The following TTC9 variants were observed in gnomAD, a reference collection of about 807,000 sequenced individuals.
TTC9 encodes tetratricopeptide repeat domain 9.
Under a neutral mutation model 22.9 loss-of-function variants are expected in TTC9, and 13 were observed. That is an observed-to-expected ratio of 0.57 (90% CI 0.37 to 0.90). The LOEUF (loss-of-function observed/expected upper bound fraction) is 0.90. TTC9 is among the 40% of genes least tolerant of loss of function. The probability of loss-of-function intolerance (pLI) is 0.01; values close to 1 mark genes in which losing one functional copy is unlikely to be tolerated. For missense variants in TTC9, 280 were observed against 291.8 expected, an observed-to-expected ratio of 0.96 and a Z score of 0.29; for synonymous variants, 148 against 133.2, an observed-to-expected ratio of 1.11 and a Z score of -0.77.
At chr14:70,669,328 G>A (rs1016162124) in intron 2 of TTC9, among the ~76,000 whole-genome samples, 2 of 151,974 alleles carry the variant, frequency 1.3e-5, no homozygotes, top group Non-Finnish European at 2.9e-5. Flanking sequence ...CGCCCAGGCT[G>A]GAGTGCAGTG....
intron 1 of TTC9, 73 bp from the exon 2 acceptor site, chr14:70,667,491 G>T: frequency 6.5e-7 from 1 of 1,548,492 alleles, no homozygotes. Context: ...CCTCTGGAGA[G>T]AAGCAACTCA....
intron 1 of TTC9, among the ~76,000 whole-genome samples, chr14:70,649,723 G>A (rs4899363): frequency 0.031 from 4,724 of 152,262 alleles, 286 homozygotes; most frequent in African/African-American, 0.11. Flanking sequence ...TATCATCTCT[G>A]TAGCAAAGAC....
At position 70,674,038 on chromosome 14, in the gene TTC9, T is replaced by C. The variant is rs1886333979; in HGVS notation, c.*2883T>C. On this transcript the variant is annotated 3_prime_UTR_variant, in exon 3 of 3. Coordinates refer to ENST00000256367, the MANE Select transcript of TTC9 (RefSeq NM_015351.2). Reference sequence around the variant, plus strand: ...TGTTTGGGGTGATAGGGCTGAATTTTCTGTGCATTTGTCCAACAAAGGCTT... The same window carrying C: ...TGTTTGGGGTGATAGGGCTGAATTTCCTGTGCATTTGTCCAACAAAGGCTT... The C allele has an allele frequency of 6.6e-6, 1 of 152,166 alleles. No homozygotes were observed. Among genetic ancestry groups the C allele is most frequent in the Admixed American group, 6.6e-5 (1 of 15,264 alleles). The allele number at this position is 152,166 out of a possible 1,614,324, so 9.4% of individuals were successfully genotyped here. A position where few individuals can be genotyped will look rare whatever the true frequency, so the allele number is the denominator to read the frequency against.
intron 1 of TTC9, among the ~76,000 whole-genome samples, chr14:70,655,350 C>T (rs1311171020): frequency 6.6e-6 from 1 of 151,918 alleles, no homozygotes; most frequent in African/African-American, 2.4e-5. Flanking sequence ...GCCGAGATCG[C>T]GCCACTGCTC....
At chr14:70,645,270 G>A (rs1174015029) in intron 1 of TTC9, among the ~76,000 whole-genome samples, 1 of 152,114 alleles carries the variant, frequency 6.6e-6, no homozygotes, top group Non-Finnish European at 1.5e-5. Context: ...AATAATCAAT[G>A]CCTCTAATAT....
chr14:70,667,866 G>C, intron 2 of TTC9, 120 bp downstream of exon 2: 5 of 960,570 alleles, frequency 5.2e-6, no homozygotes, highest in Non-Finnish European at 7.8e-6. Context: ...GCAAAATTAG[G>C]GATCAGATAT....
intron 1 of TTC9, among the ~76,000 whole-genome samples, chr14:70,666,253 A>T (rs1204257857): frequency 6.6e-6 from 1 of 152,090 alleles, no homozygotes; most frequent in Non-Finnish European, 1.5e-5. Context: ...CTGGTAAGGG[A>T]AAGCTCAAAG....
chr14:70,656,714 G>A (rs1293723535), intron 1 of TTC9, among the ~76,000 whole-genome samples: 1 of 152,184 alleles, frequency 6.6e-6, no homozygotes, highest in Non-Finnish European at 1.5e-5. Flanking sequence ...TGTGTACTTG[G>A]CCAGAGCTGA....
At chr14:70,668,117 C>T (rs144757973) in intron 2 of TTC9, among the ~76,000 whole-genome samples, 70 of 152,334 alleles carry the variant, frequency 4.6e-4, no homozygotes, top group African/African-American at 1.5e-3. Context: ...CCATGAGGCG[C>T]TCACATCTGG....
rs537469307 is a variant in TTC9, at chr14:70,659,931, G to GA, written c.407-7626dup. ...TCCTAGGGCCTCCATTTTCCTATCTGAAAAAAATGGGCAAAATACTAGAAG... is the reference window on the plus strand; with the variant it reads ...TCCTAGGGCCTCCATTTTCCTATCTGAAAAAAAATGGGCAAAATACTAGAAG... On this transcript the variant is annotated intron_variant, in intron 1 of 2. Coordinates refer to ENST00000256367, the MANE Select transcript of TTC9 (RefSeq NM_015351.2). 1.1e-4 allele frequency among the ~76,000 whole-genome samples: 16 copies of GA among 152,178 alleles called. No individual in the cohort carries two copies. The South Asian group carries it at 3.3e-3, about 32-fold the overall frequency.
chr14:70,659,120 A>ACACACACGCGCG (rs1555362237), intron 1 of TTC9, among the ~76,000 whole-genome samples: 5 of 109,946 alleles, frequency 4.5e-5, no homozygotes, highest in East Asian at 8.9e-4. Context: ...ATATAACTAA[A>ACACACACGCGCG]CACACACACA....
Position 70,642,203 on chromosome 14 carries a change from C to T in TTC9, c.74C>T (p.Pro25Leu). 2 of 1,250,278 alleles carry T rather than the reference C, an allele frequency of 1.6e-6. No individual in the cohort carries two copies. The highest frequency in any genetic ancestry group is 6.6e-5 in the East Asian group (2 of 30,294). 77.4% of individuals were successfully genotyped at this position (1,250,278 alleles called of 1,614,324 possible). ...CCCGCGGCCGGAGAGGGGCAGCGGC[C>T]ACCGCCGCCGCTGTGCGTCCCGGGC... ...SPPAAGEGQR[P>L]PPPLCVPGGG... Residue 25 changes from proline (P) to leucine (L), a missense_variant, in exon 1 of 3, where the codon CCA becomes CTA. Around this residue, in one of 5 missense-constraint regions of TTC9, gnomAD observed 49 missense variants for 39.8 expected, o/e 1.23. Transcript: ENST00000256367.
chr14:70,667,656 C>G lies in TTC9; in HGVS notation c.499C>G (p.Leu167Val). 1 of 1,614,000 alleles carries G rather than the reference C, an allele frequency of 6.2e-7. No homozygotes were observed. Among genetic ancestry groups the G allele is most frequent in the Non-Finnish European group, 8.5e-7 (1 of 1,179,896 alleles). The change falls in exon 2 of 3, where the codon CTT becomes GTT. Residue 167 changes from leucine (L) to valine (V), a missense_variant. By Grantham distance (32) the Leu-to-Val change is conservative. This residue lies in a region of TTC9 where 39 missense variants were observed against 67.4 expected (regional missense o/e 0.58). Coordinates refer to ENST00000256367, the MANE Select transcript of TTC9 (RefSeq NM_015351.2). Reference sequence around the variant, plus strand: ...GAAGGAAGGGGAGAACTTCAAGGCCCTTTACCGGTCTGGTGTGGCCTTCTA... The same window carrying G: ...GAAGGAAGGGGAGAACTTCAAGGCCGTTTACCGGTCTGGTGTGGCCTTCTA... ...LKKEGENFKALYRSGVAFYHL... is the reference protein window; with the variant it reads ...LKKEGENFKAVYRSGVAFYHL...
chr14:70,656,485 G>A (rs1042723277), intron 1 of TTC9, among the ~76,000 whole-genome samples: 7 of 152,206 alleles, frequency 4.6e-5, no homozygotes, highest in South Asian at 2.1e-4. Flanking sequence ...TGCTCTTTCC[G>A]CTATACATGT....
intron 2 of TTC9, among the ~76,000 whole-genome samples, chr14:70,669,366 G>C (rs571751767): frequency 6.6e-6 from 1 of 151,864 alleles, no homozygotes; most frequent in Non-Finnish European, 1.5e-5. Context: ...TACGACTTCC[G>C]CCTCTTGGGC....
At chr14:70,652,306 C>G (rs1485329839) in intron 1 of TTC9, among the ~76,000 whole-genome samples, 1 of 152,188 alleles carries the variant, frequency 6.6e-6, no homozygotes, top group Non-Finnish European at 1.5e-5. Flanking sequence ...CAAGGCAACC[C>G]TTGCAAATCT....
In TTC9 at chr14:70,674,403, G is replaced by A. The variant is rs777462993; in HGVS notation, c.*3248G>A. On this transcript the variant is annotated 3_prime_UTR_variant, in exon 3 of 3. Coordinates refer to ENST00000256367, the MANE Select transcript of TTC9 (RefSeq NM_015351.2). The stretch of plus-strand genomic sequence containing the variant: ...TGAATATACCTTTTAGTTCTTTTTG[G>A]TGTAAATGTACACACGCACACACAG... The A allele has an allele frequency of 2.6e-5, 4 of 152,100 alleles. No individual in the cohort carries two copies. The highest frequency in any genetic ancestry group is 4.8e-5 in the African/African-American group (2 of 41,420). 9.4% of individuals were successfully genotyped at this position (152,100 alleles called of 1,614,324 possible). A position where few individuals can be genotyped will look rare whatever the true frequency, so the allele number is the denominator to read the frequency against.
intron 1 of TTC9, among the ~76,000 whole-genome samples, chr14:70,658,000 T>C (rs911909874): frequency 3.3e-5 from 5 of 152,096 alleles, no homozygotes; most frequent in Non-Finnish European, 7.4e-5. Flanking sequence ...AAACAGCCAC[T>C]TGGAGGGTGC....
At position 70,671,083 on chromosome 14, in the gene TTC9, C is replaced by T. The variant is rs747171579; in HGVS notation, c.597C>T (p.Asn199=). 41 of 1,613,384 alleles carry T rather than the reference C, an allele frequency of 2.5e-5. No individual in the cohort carries two copies. The highest frequency in any genetic ancestry group is 3.3e-5 in the Admixed American group (2 of 60,000). Residue 199 remains asparagine, a synonymous_variant, in exon 3 of 3, where the codon AAC becomes AAT. Transcript: ENST00000256367. The stretch of plus-strand genomic sequence containing the variant: ...TTATTTCTCTCCTCACAGACACCAA[C>T]GTGATTCGGTATATCCAGCTGACGG... ...EARTQQPTDT[N]VIRYIQLTEM...
Sources: allele counts gnomAD v4.1 joint callset (sites outside exome capture counted in the v4.1 genomes callset), GRCh38; gene constraint gnomAD v4.1.1; regional missense constraint gnomAD v4.1.1; transcripts MANE v1.5; gene names NCBI Gene and HGNC (gene_info 2026-07-23, HGNC 2026-07-21).